Variants in TUBGCP5 observed in about 807,000 individuals in gnomAD.
TUBGCP5 encodes the protein gamma-tubulin complex component 5.
TUBGCP5 carries 98 observed loss-of-function variants against 134.7 expected under a neutral mutation model. The observed-to-expected ratio is 0.73, with a 90% CI of 0.62 to 0.86. TUBGCP5 has a LOEUF of 0.86. TUBGCP5 is among the 40% of genes least tolerant of loss of function. The pLI is 0.00. For synonymous variants in TUBGCP5, 456 were observed against 431.4 expected (o/e 1.06, Z -0.71); for missense variants, 1,150 against 1,244.8 (o/e 0.92, Z 1.15).
intron 6 of TUBGCP5, among the ~76,000 whole-genome samples, chr15:23,028,017 A>C (rs2066081221): frequency 6.6e-6 from 1 of 152,176 alleles, no homozygotes; most frequent in African/African-American, 2.4e-5. Context: ...AAGCAGAAAA[A>C]GAGAAAGCCA....
chr15:23,037,276 C>A, intron 1 of TUBGCP5, 124 bp from the exon 2 acceptor site: 1 of 892,012 alleles, frequency 1.1e-6, no homozygotes. Flanking sequence ...ATGGAGTGTA[C>A]CTTGTCCTCC....
intron 23 of TUBGCP5, among the ~76,000 whole-genome samples, chr15:22,985,198 A>G (rs567518910): frequency 6.7e-6 from 1 of 148,726 alleles, no homozygotes; most frequent in African/African-American, 2.4e-5. Context: ...AAACTTGTAT[A>G]ATTAATAGTC....
rs183207835 is a variant in TUBGCP5 at position 23,003,058 on chromosome 15, T to A, written c.2927+7A>T. The A allele has an allele frequency of 3.1e-6, 5 of 1,613,930 alleles. No homozygotes were observed. The highest frequency in any genetic ancestry group is 4.2e-6 in the Non-Finnish European group (5 of 1,179,868). ...CAGTGCAGATGCTGCAGAAATCACA[T>A]ACTTACCGCCAAGTGCCCAGGCCTG... is the stretch of plus-strand genomic sequence containing the variant. On this transcript the variant is annotated splice_region_variant and intron_variant, in intron 21 of 22. Coordinates refer to ENST00000615383, the MANE Select transcript of TUBGCP5 (RefSeq NM_052903.6).
chr15:23,031,225 T>C (rs1166049009), intron 5 of TUBGCP5, among the ~76,000 whole-genome samples: 2 of 152,172 alleles, frequency 1.3e-5, no homozygotes, highest in African/African-American at 4.8e-5. Context: ...TTTTCTATAA[T>C]GTTGAAATAA....
chr15:23,018,133 T>C (rs2065449117), intron 12 of TUBGCP5, 92 bp from the exon 13 acceptor site: 3 of 1,293,124 alleles, frequency 2.3e-6, no homozygotes, highest in Non-Finnish European at 3.1e-6. Context: ...TTATAAAACA[T>C]AGTATTAATT....
At chr15:23,036,181 A>C (rs1402713763) in intron 3 of TUBGCP5, among the ~76,000 whole-genome samples, 1 of 152,176 alleles carries the variant, frequency 6.6e-6, no homozygotes, top group African/African-American at 2.4e-5. Flanking sequence ...AGCTAAGGTC[A>C]GCCATGTGGG....
chr15:23,024,900 AC>A, intron 8 of TUBGCP5, 70 bp from the exon 9 acceptor site: 1 of 963,792 alleles, frequency 1.0e-6, no homozygotes. Flanking sequence ...TATGCCCAGG[AC>A]ATTTTTTTTT....
chr15:23,038,726 T>C (rs1206894477), intron 1 of TUBGCP5, among the ~76,000 whole-genome samples: 2 of 152,234 alleles, frequency 1.3e-5, no homozygotes, highest in Non-Finnish European at 2.9e-5. Context: ...CTAAAAGTAT[T>C]AATTTACATC....
At chr15:22,987,352 G>C (rs1450152919) in intron 23 of TUBGCP5, among the ~76,000 whole-genome samples, 2 of 143,418 alleles carry the variant, frequency 1.4e-5, no homozygotes, top group African/African-American at 5.2e-5. Flanking sequence ...AAAAAAAAAA[G>C]AAAAGAAAGT....
chr15:23,001,239 C>T lies in TUBGCP5; in HGVS notation c.2928-570G>A, dbSNP rs538823624. ...TGTATTTTTTGTAGAGATGGGGTTTCGCCATGTTGGTCAGGCTGGTCTCGA... is the reference window on the plus strand; with the variant it reads ...TGTATTTTTTGTAGAGATGGGGTTTTGCCATGTTGGTCAGGCTGGTCTCGA... On this transcript the variant is annotated intron_variant, in intron 21 of 22. Transcript: ENST00000615383. Among the ~76,000 whole-genome samples, 6 of 151,792 alleles carry T rather than the reference C, an allele frequency of 4.0e-5. No homozygotes were observed. The South Asian group carries it at 1.0e-3, about 26-fold the overall frequency.
chr15:22,994,137 G>A (rs1265771389), intron 23 of TUBGCP5, among the ~76,000 whole-genome samples: 1 of 152,028 alleles, frequency 6.6e-6, no homozygotes, highest in East Asian at 1.9e-4. Context: ...TGCCCAGGCT[G>A]CAGTGCAATG....
chr15:23,030,838 G>T, intron 6 of TUBGCP5, 47 bp downstream of exon 6: 1 of 1,594,432 alleles, frequency 6.3e-7, no homozygotes. Flanking sequence ...TTTCCTTCTA[G>T]GGAATTTGTC....
downstream of TUBGCP5, among the ~76,000 whole-genome samples, chr15:22,995,018 CG>C (rs555269255): frequency 1.2e-4 from 18 of 152,140 alleles, no homozygotes; most frequent in Middle Eastern, 3.4e-3. Flanking sequence ...CCCAGGTGGA[CG>C]GATCACTCGA....
intron 10 of TUBGCP5, 26 bp downstream of exon 10, chr15:23,023,921 G>A (rs771204765): frequency 5.6e-6 from 9 of 1,608,908 alleles, no homozygotes; most frequent in Non-Finnish European, 7.6e-6. Flanking sequence ...CGTGTAGTAT[G>A]AGTAAAGATG....
At chr15:23,038,910 A>G (rs1403349123) in intron 1 of TUBGCP5, among the ~76,000 whole-genome samples, 2 of 152,160 alleles carry the variant, frequency 1.3e-5, no homozygotes, top group African/African-American at 2.4e-5. Context: ...AGTGGAGGAG[A>G]CAGTAATGAC....
downstream of TUBGCP5, among the ~76,000 whole-genome samples, chr15:22,995,581 A>C (rs2064031248): frequency 6.6e-6 from 1 of 151,670 alleles, no homozygotes; most frequent in Admixed American, 6.6e-5. Flanking sequence ...TCTCAAAAAA[A>C]AAAAAAAACA....
intron 16 of TUBGCP5, among the ~76,000 whole-genome samples, chr15:23,006,771 G>A (rs2064740390): frequency 6.6e-6 from 1 of 152,100 alleles, no homozygotes; most frequent in Admixed American, 6.6e-5. Flanking sequence ...GAGATGGGAT[G>A]GGGTCTGCTT....
chr15:23,018,136 T>TATTA, intron 12 of TUBGCP5, 95 bp from the exon 13 acceptor site: 1 of 1,274,664 alleles, frequency 7.8e-7, no homozygotes, highest in Non-Finnish European at 1.1e-6. Context: ...TAAAACATAG[T>TATTA]ATTAATTATT....
intron 23 of TUBGCP5, among the ~76,000 whole-genome samples, chr15:22,992,859 C>G (rs2063893137): frequency 6.6e-6 from 1 of 151,954 alleles, no homozygotes; most frequent in Middle Eastern, 3.2e-3. Context: ...ATGAGATTTT[C>G]CAAACAAAGT....
Sources: gnomAD v4.1 joint callset for allele counts (sites outside exome capture counted in the v4.1 genomes callset) on GRCh38, gnomAD v4.1.1 for gene constraint, MANE v1.5 for transcripts, NCBI Gene and HGNC (gene_info 2026-07-23, HGNC 2026-07-21) for gene names.